Variants in NRXN1 observed in about 807,000 individuals in gnomAD.
NRXN1 encodes the protein neurexin-1.
In NRXN1, 39 loss-of-function variants were observed where a neutral mutation model predicts 150.9. The observed-to-expected ratio is 0.26, with a 90% CI of 0.20 to 0.34. The LOEUF (loss-of-function observed/expected upper bound fraction) is 0.34. NRXN1 is among the 10% of genes least tolerant of loss of function. NRXN1 has a pLI of 1.00. For missense variants in NRXN1, 1,815 were observed against 1,949.9 expected (o/e 0.93, Z 1.30); for synonymous variants, 924 against 757.0 (o/e 1.22, Z -3.62).
At chr2:50,634,363 T>G (rs527568024) in intron 5 of NRXN1, among the ~76,000 whole-genome samples, 2 of 152,190 alleles carry the variant, frequency 1.3e-5, no homozygotes, top group Non-Finnish European at 2.9e-5. Context: ...ACATGAGCAG[T>G]TGGGTAAATA....
chr2:50,079,403 T>C (rs988449874), intron 19 of NRXN1, among the ~76,000 whole-genome samples: 3 of 152,114 alleles, frequency 2.0e-5, no homozygotes, highest in Admixed American at 6.5e-5. Context: ...TGAGCTATAA[T>C]GGCAGAATTG....
At position 50,497,382 on chromosome 2, in the gene NRXN1, A is replaced by G. The variant is rs1431726260; in HGVS notation, c.2830T>C (p.Tyr944His). 2 of 1,578,592 alleles carry G rather than the reference A, an allele frequency of 1.3e-6. No homozygotes were observed. Among genetic ancestry groups the G allele is most frequent in the Non-Finnish European group, 8.6e-7 (1 of 1,160,854 alleles). Residue 944 changes from tyrosine (Y) to histidine (H), a missense_variant, in exon 14 of 23, where the codon TAT becomes CAT. Tyr to His is a moderately conservative substitution (Grantham distance 83, BLOSUM62 2). This residue lies in a region of NRXN1 where 339 missense variants were observed against 440.3 expected (regional missense o/e 0.77). Coordinates refer to ENST00000401669, the MANE Select transcript of NRXN1 (RefSeq NM_001330078.2). The part of the protein sequence containing the change: ...KTTSLDGLIL[Y>H]NSGDGNDFIV... ...AAGTCATTTCCATCCCCACTGTTATATAGAATTAATCCATCTAGGGATGTT... is the reference window on the plus strand; with the variant it reads ...AAGTCATTTCCATCCCCACTGTTATGTAGAATTAATCCATCTAGGGATGTT...
chr2:50,461,653 A>C (rs1156421210), intron 17 of NRXN1, among the ~76,000 whole-genome samples: 1 of 151,978 alleles, frequency 6.6e-6, no homozygotes, highest in African/African-American at 2.4e-5. Context: ...GGCACATAGT[A>C]AGTGCTCAGC....
chr2:50,252,387 A>C (rs145732178), intron 17 of NRXN1, among the ~76,000 whole-genome samples: 2,043 of 150,368 alleles, frequency 0.014, 56 homozygotes, highest in African/African-American at 0.047. Context: ...GCCTCCCAAG[A>C]AACTGGGAAT....
intron 17 of NRXN1, among the ~76,000 whole-genome samples, chr2:50,244,645 G>A (rs2066338304): frequency 1.3e-5 from 2 of 151,764 alleles, no homozygotes; most frequent in Non-Finnish European, 2.9e-5. Context: ...TAAATATTAG[G>A]GCAAAATAGT....
At chr2:50,772,280 T>C (rs1218040207) in intron 5 of NRXN1, among the ~76,000 whole-genome samples, 1 of 151,728 alleles carries the variant, frequency 6.6e-6, no homozygotes, top group Non-Finnish European at 1.5e-5. Flanking sequence ...TGCAGGGTTT[T>C]CGAAATTCTT....
chr2:50,764,021 C>CT (rs11458761), intron 5 of NRXN1, among the ~76,000 whole-genome samples: 18,524 of 142,634 alleles, frequency 0.13, 1,212 homozygotes, highest in Middle Eastern at 0.17. Context: ...TCCGTTGGCC[C>CT]TTTTTTTTTT....
intron 8 of NRXN1, among the ~76,000 whole-genome samples, chr2:50,580,386 C>T (rs1672084353): frequency 6.6e-6 from 1 of 152,132 alleles, no homozygotes; most frequent in South Asian, 2.1e-4. Context: ...AAAATAAAAT[C>T]ATTTAAAAAT....
At chr2:50,895,322 TCTAA>T (rs1253328564) in intron 5 of NRXN1, among the ~76,000 whole-genome samples, 4 of 152,196 alleles carry the variant, frequency 2.6e-5, no homozygotes, top group African/African-American at 4.8e-5. Context: ...TAATCTTTGC[TCTAA>T]CTGACAAGTA....
At chr2:50,884,834 T>A (rs977525256) in intron 5 of NRXN1, among the ~76,000 whole-genome samples, 5 of 150,742 alleles carry the variant, frequency 3.3e-5, no homozygotes, top group South Asian at 2.1e-4. Flanking sequence ...AAAAAAAAAA[T>A]AAAATACAAA....
At chr2:50,874,169 A>C (rs1028923634) in intron 5 of NRXN1, among the ~76,000 whole-genome samples, 1 of 151,692 alleles carries the variant, frequency 6.6e-6, no homozygotes, top group Non-Finnish European at 1.5e-5. Context: ...GCAAAGAATG[A>C]CTCTCTTGTC....
intron 18 of NRXN1, among the ~76,000 whole-genome samples, chr2:50,135,546 C>T (rs752441590): frequency 6.6e-6 from 1 of 152,050 alleles, no homozygotes; most frequent in Non-Finnish European, 1.5e-5. Context: ...AAAAAATTAG[C>T]CAGGCATGGT....
intron 2 of NRXN1, among the ~76,000 whole-genome samples, chr2:50,981,994 C>T (rs1451094142): frequency 6.6e-6 from 1 of 151,942 alleles, no homozygotes; most frequent in African/African-American, 2.4e-5. Flanking sequence ...GAAAATAATT[C>T]ATTAAGACTC....
At chr2:50,753,430 A>C (rs895045206) in intron 5 of NRXN1, among the ~76,000 whole-genome samples, 3 of 151,840 alleles carry the variant, frequency 2.0e-5, no homozygotes, top group Non-Finnish European at 4.4e-5. Flanking sequence ...TACGGCCAAC[A>C]CAGAAGGAGA....
At chr2:50,655,669 G>GC (rs1393327099) in intron 5 of NRXN1, among the ~76,000 whole-genome samples, 31 of 150,978 alleles carry the variant, frequency 2.1e-4, no homozygotes, top group African/African-American at 7.1e-4. Flanking sequence ...TTTTCTTTTG[G>GC]GGGGGGAGGG....
chr2:50,495,380 GGTGTGTGTGT>G (rs1157611088), intron 15 of NRXN1, among the ~76,000 whole-genome samples: 16 of 17,778 alleles, frequency 9.0e-4, no homozygotes, highest in African/African-American at 2.3e-3. Flanking sequence ...GTGTGTGTGT[GGTGTGTGTGT>G]GTGTGTGTGT....
At chr2:50,166,279 ATGTGTG>A (rs70946894) in intron 18 of NRXN1, among the ~76,000 whole-genome samples, 12,526 of 131,704 alleles carry the variant, frequency 0.095, 536 homozygotes, top group African/African-American at 0.16. Context: ...TACTCAACGT[ATGTGTG>A]TGTGTGTGTG....
At chr2:50,170,035 C>A (rs894473925) in intron 18 of NRXN1, among the ~76,000 whole-genome samples, 2 of 151,826 alleles carry the variant, frequency 1.3e-5, no homozygotes, top group Non-Finnish European at 2.9e-5. Context: ...ATATATTTTA[C>A]TTGGTGACAA....
chr2:50,935,471 C>T (rs1443506809), intron 2 of NRXN1, among the ~76,000 whole-genome samples: 1 of 152,044 alleles, frequency 6.6e-6, no homozygotes, highest in African/African-American at 2.4e-5. Flanking sequence ...GTGGCTCAGG[C>T]CTATTATAAT....
Sources: gnomAD v4.1 joint callset for allele counts (sites outside exome capture counted in the v4.1 genomes callset) on GRCh38, gnomAD v4.1.1 for gene constraint, gnomAD v4.1.1 regional missense constraint, MANE v1.5 for transcripts, NCBI Gene and HGNC (gene_info 2026-07-23, HGNC 2026-07-21) for gene names.